MLH3: variants seen among roughly 807,000 people sequenced by gnomAD.
The protein encoded by MLH3 is DNA mismatch repair protein Mlh3.
Under a neutral mutation model 122.2 loss-of-function variants are expected in MLH3, and 82 were observed. That is an observed-to-expected ratio of 0.67 (90% confidence interval 0.56 to 0.81). The LOEUF (loss-of-function observed/expected upper bound fraction) is 0.81, where lower values mean the gene tolerates loss of function less well. Ranked by LOEUF, MLH3 falls within the 30% of genes least tolerant of loss-of-function variation. The pLI, the probability that MLH3 is intolerant of heterozygous loss-of-function variation, is 0.00. For synonymous variants in MLH3, 524 were observed against 599.5 expected (o/e 0.87, Z 1.84); for missense variants, 1,539 against 1,714.5 (o/e 0.90, Z 1.81).
intron 3 of MLH3, 69 bp downstream of exon 3, chr14:75,042,310 C>T: frequency 7.4e-7 from 1 of 1,346,098 alleles, no homozygotes. Flanking sequence ...TTAATGCAAG[C>T]CTGCTTTGTT....
rs563102342 is a variant in MLH3, at chr14:75,015,113, A to G, written c.*1969T>C. On this transcript the variant is annotated 3_prime_UTR_variant, in exon 13 of 13. Transcript: ENST00000355774. ...AAGCACAATATAGGTATTAATGATTACTATTATAAATTACATGTATCTTTG... is the reference window on the plus strand; with the variant it reads ...AAGCACAATATAGGTATTAATGATTGCTATTATAAATTACATGTATCTTTG... 1.1e-5 allele frequency: 2 copies of G among 174,282 alleles called. No homozygotes were observed. The highest frequency in any genetic ancestry group is 2.0e-4 in the South Asian group (1 of 5,008). The allele number at this position is 174,282 out of a possible 1,614,324, so 10.8% of individuals were successfully genotyped here. A position where few individuals can be genotyped will look rare whatever the true frequency, so the allele number is the denominator to read the frequency against.
intron 6 of MLH3, chr14:75,036,871 G>A (rs2139442031): frequency 2.3e-6 from 1 of 425,586 alleles, no homozygotes; most frequent in East Asian, 7.1e-5. Context: ...GTCCACCCTG[G>A]TCCCATCTAA....
Position 75,048,290 on chromosome 14 carries a change from GCT to G in MLH3, c.1364_1365del (p.Glu455AlafsTer30), listed in dbSNP as rs1566607543. 1.2e-6 allele frequency: 2 copies of G among 1,613,916 alleles called. No individual in the cohort carries two copies. The highest frequency in any genetic ancestry group is 1.7e-6 in the Non-Finnish European group (2 of 1,180,008). ...SGGPGHSKMT[E>X]PSLQNKDSSC... ...GAGCTGTCTTTGTTTTGTAAAGATG[GCT>G]CTGTCATTTTGCTATGGCCTGGACC... On this transcript the variant is annotated frameshift_variant, in exon 2 of 13. Coordinates refer to ENST00000355774, the MANE Select transcript of MLH3 (RefSeq NM_001040108.2). LOFTEE classifies it high-confidence loss of function.
At chr14:75,019,207 C>T (rs958292564) in intron 11 of MLH3, 1 of 487,252 alleles carries the variant, frequency 2.1e-6, no homozygotes, top group South Asian at 2.1e-5. Context: ...GTCAGGAGTT[C>T]AAGACCAGCC....
chr14:75,016,645 C>A lies in MLH3; in HGVS notation c.*437G>T. The A allele has an allele frequency of 1.0e-5, 3 of 288,434 alleles. No individual in the cohort carries two copies. The highest frequency in any genetic ancestry group is 6.6e-5 in the East Asian group (1 of 15,146). 17.9% of individuals were successfully genotyped at this position (288,434 alleles called of 1,614,324 possible). A position where few individuals can be genotyped will look rare whatever the true frequency, so the allele number is the denominator to read the frequency against. The stretch of plus-strand genomic sequence containing the variant: ...GAAAAGAGGGGACCAGTGCAGAAAC[C>A]CTGGGGGCAGCCTGGGAAGGCAGAC... On this transcript the variant is annotated 3_prime_UTR_variant, in exon 13 of 13. Coordinates refer to ENST00000355774, the MANE Select transcript of MLH3 (RefSeq NM_001040108.2).
At position 75,041,618 on chromosome 14, in the gene MLH3, T is replaced by C; in HGVS notation, c.3462A>G (p.Pro1154=). Residue 1154 remains proline, a synonymous_variant, in exon 4 of 13, where the codon CCA becomes CCG. Coordinates refer to ENST00000355774, the MANE Select transcript of MLH3 (RefSeq NM_001040108.2). The stretch of plus-strand genomic sequence containing the variant: ...AGAAAAACTGCTACAGACCCACCTC[T>C]GGATAACGGGCAAATACTGGATTGT... ...EWDNPVFARY[P]EVAVDVSSGQ... 6.2e-7 allele frequency: 1 copy of C among 1,612,018 alleles called. No homozygotes were observed. Among genetic ancestry groups the C allele is most frequent in the African/African-American group, 1.3e-5 (1 of 74,908 alleles).
Position 75,048,156 on chromosome 14 carries a change from C to G in MLH3, c.1500G>C (p.Pro500=), listed in dbSNP as rs554385170. Residue 500 remains proline, a synonymous_variant, in exon 2 of 13, where the codon CCG becomes CCC. Transcript: ENST00000355774. Reference sequence around the variant, plus strand: ...AAAACATTTCTAAACTGGTTCCACACGGATTTTCTAAAGAGCTATGTTCCA... The same window carrying G: ...AAAACATTTCTAAACTGGTTCCACAGGGATTTTCTAAAGAGCTATGTTCCA... The part of the protein sequence containing the change: ...SFLEHSSLEN[P]CGTSLEMFLS... 3.1e-6 allele frequency: 5 copies of G among 1,614,116 alleles called. No individual in the cohort carries two copies. The highest frequency in any genetic ancestry group is 4.2e-6 in the Non-Finnish European group (5 of 1,179,986).
Position 75,046,481 on chromosome 14 carries a change from T to C in MLH3, c.3175A>G (p.Asn1059Asp). The C allele has an allele frequency of 6.2e-7, 1 of 1,614,206 alleles. No homozygotes were observed. Among genetic ancestry groups the C allele is most frequent in the Non-Finnish European group, 8.5e-7 (1 of 1,180,030 alleles). The stretch of plus-strand genomic sequence containing the variant: ...AATGTGCTGAGTCCAGTCATTTTGT[T>C]GACATAAACCATTCTTCCCAGGGCT... Reference protein sequence around the residue: ...DVALGRMVYVNKMTGLSTFIA... With the variant: ...DVALGRMVYVDKMTGLSTFIA... Residue 1059 changes from asparagine to aspartate, a missense_variant, in exon 2 of 13, where the codon AAC becomes GAC. Transcript: ENST00000355774.
chr14:75,036,382 G>A (rs1308928746), intron 6 of MLH3, among the ~76,000 whole-genome samples: 1 of 149,530 alleles, frequency 6.7e-6, no homozygotes. Flanking sequence ...GTTTCGCTCT[G>A]TCACCCAGGC....
At chr14:75,018,719 A>G in intron 12 of MLH3, 110 bp downstream of exon 12, 3 of 1,314,938 alleles carry the variant, frequency 2.3e-6, no homozygotes, top group Non-Finnish European at 3.3e-6. Context: ...ATTTTGCAAA[A>G]CTCTCCTATT....
chr14:75,041,642 G>C lies in MLH3; in HGVS notation c.3438C>G (p.Asp1146Glu), dbSNP rs778637662. ...CTGGATAACGGGCAAATACTGGATT[G>C]TCCCATTCTGAGAACAAAGACTGAA... The part of the protein sequence containing the change: ...ESLQSLFSEW[D>E]NPVFARYPEV... The change falls in exon 4 of 13, where the codon GAC becomes GAG. Residue 1146 changes from aspartate to glutamate, a missense_variant. Physicochemically the swap from Asp to Glu is conservative, Grantham distance 45. Transcript: ENST00000355774. 1 of 1,613,764 alleles carries C rather than the reference G, an allele frequency of 6.2e-7. No individual in the cohort carries two copies.
intron 12 of MLH3, among the ~76,000 whole-genome samples, chr14:75,017,422 T>C (rs1889963033): frequency 6.6e-6 from 1 of 151,882 alleles, no homozygotes; most frequent in African/African-American, 2.4e-5. Context: ...ATGCCTATAA[T>C]CCCAGCTACT....
At chr14:75,026,383 A>C (rs1171902818) in intron 9 of MLH3, among the ~76,000 whole-genome samples, 1 of 152,232 alleles carries the variant, frequency 6.6e-6, no homozygotes, top group African/African-American at 2.4e-5. Context: ...GAAATAAAAA[A>C]CTCAGTGGAT....
chr14:75,048,354 A>C lies in MLH3; in HGVS notation c.1302T>G (p.Asn434Lys). The C allele has an allele frequency of 6.2e-7, 1 of 1,613,420 alleles. No homozygotes were observed. Among genetic ancestry groups the C allele is most frequent in the South Asian group, 1.1e-5 (1 of 90,868 alleles). Residue 434 changes from asparagine to lysine, a missense_variant, in exon 2 of 13, where the codon AAT becomes AAG. By Grantham distance (94) the Asn-to-Lys change is moderately conservative. Transcript: ENST00000355774. ...SSRDSEATRK[N>K]TNDAFLYIYE... The stretch of plus-strand genomic sequence containing the variant: ...AAATGTACAAAAATGCATCATTTGT[A>C]TTTTTTCTGGTAGCTTCTGAATCCC...
intron 2 of MLH3, among the ~76,000 whole-genome samples, chr14:75,043,047 A>C (rs1891978871): frequency 6.6e-6 from 1 of 152,194 alleles, no homozygotes; most frequent in Admixed American, 6.5e-5. Context: ...AAGTGTTGGG[A>C]TTACAGGCGT....
At chr14:75,050,775 G>A (rs572146406) in intron 1 of MLH3, 1 of 152,162 alleles carries the variant, frequency 6.6e-6, no homozygotes, top group Non-Finnish European at 1.5e-5. Flanking sequence ...TGATGGCATG[G>A]GGCTGCCTGA....
At chr14:75,025,612 A>G (rs1890578163) in intron 9 of MLH3, among the ~76,000 whole-genome samples, 1 of 151,966 alleles carries the variant, frequency 6.6e-6, no homozygotes, top group African/African-American at 2.4e-5. Context: ...TTCACTCTCC[A>G]TATTCTCCCT....
intron 3 of MLH3, 59 bp from the exon 4 acceptor site, chr14:75,041,759 G>T: frequency 8.1e-7 from 1 of 1,236,038 alleles, no homozygotes; most frequent in South Asian, 1.2e-5. Context: ...AGGAGGGAAT[G>T]GCATTTCCTG....
In MLH3 at chr14:75,017,153, G is replaced by A. The variant is rs1595018968; in HGVS notation, c.4291C>T (p.Leu1431Phe). The change falls in exon 13 of 13, where the codon CTC becomes TTC. Residue 1431 changes from leucine (L) to phenylalanine (F), a missense_variant. By Grantham distance (22) the Leu-to-Phe change is conservative (BLOSUM62 0). Coordinates refer to ENST00000355774, the MANE Select transcript of MLH3 (RefSeq NM_001040108.2). ...GTATCACACTCTGCTTTTCCAAAGA[G>A]ACGCCAGGCCTGGGCCATTTTGCGA... is the stretch of plus-strand genomic sequence containing the variant. ...KLRKMAQAWR[L>F]FGKAECDTRQ... The A allele has an allele frequency of 1.2e-6, 2 of 1,614,118 alleles. No individual in the cohort carries two copies. The highest frequency in any genetic ancestry group is 2.2e-5 in the East Asian group (1 of 44,882).
Sources: gnomAD v4.1 joint callset for allele counts (sites outside exome capture counted in the v4.1 genomes callset) on GRCh38, gnomAD v4.1.1 for gene constraint, MANE v1.5 for transcripts, NCBI Gene and HGNC (gene_info 2026-07-23, HGNC 2026-07-21) for gene names.